Variants in MGMT observed in about 807,000 individuals in gnomAD.
The protein encoded by MGMT is methylated-DNA--protein-cysteine methyltransferase.
In MGMT, 14 loss-of-function variants were observed where a neutral mutation model predicts 15.9. The observed-to-expected ratio is 0.88, with a 90% CI of 0.58 to 1.37. MGMT has a LOEUF of 1.37. MGMT is among the 40% of genes most tolerant of loss of function. The pLI, the probability that MGMT is intolerant of heterozygous loss-of-function variation, is 0.00. For synonymous variants in MGMT, 130 were observed against 118.2 expected (o/e 1.10, Z -0.65); for missense variants, 282 against 268.1 (o/e 1.05, Z -0.36).
chr10:129,708,282 G>A (rs2282163), intron 3 of MGMT, among the ~76,000 whole-genome samples: 10,125 of 152,278 alleles, frequency 0.066, 847 homozygotes, highest in East Asian at 0.2. Flanking sequence ...AATGAAGCAT[G>A]CAGATCGACT....
chr10:129,724,061 G>A (rs182470621), intron 3 of MGMT, among the ~76,000 whole-genome samples: 94 of 152,290 alleles, frequency 6.2e-4, no homozygotes, highest in African/African-American at 1.9e-3. Flanking sequence ...CCACAAAAAC[G>A]TATTCAAGAG....
At chr10:129,624,990 G>C (rs1451666163) in intron 2 of MGMT, among the ~76,000 whole-genome samples, 1 of 152,142 alleles carries the variant, frequency 6.6e-6, no homozygotes, top group African/African-American at 2.4e-5. Flanking sequence ...TATGTCCTTG[G>C]AAAGAGTCGT....
At chr10:129,491,432 A>G (rs953560737) in intron 1 of MGMT, among the ~76,000 whole-genome samples, 2 of 151,940 alleles carry the variant, frequency 1.3e-5, no homozygotes, top group African/African-American at 4.8e-5. Flanking sequence ...TTTTCTTCAT[A>G]TTTATTCTGC....
intron 4 of MGMT, 95 bp from the exon 5 acceptor site, chr10:129,766,693 G>C: frequency 2.6e-6 from 3 of 1,156,868 alleles, no homozygotes; most frequent in Non-Finnish European, 3.6e-6. Flanking sequence ...TGCTTGGTGG[G>C]CACAGGACTC....
At chr10:129,645,265 G>A (rs779539745) in intron 2 of MGMT, among the ~76,000 whole-genome samples, 11 of 151,902 alleles carry the variant, frequency 7.2e-5, no homozygotes, top group African/African-American at 2.4e-4. Context: ...GTTTATAGGC[G>A]CCCACCACCA....
intron 3 of MGMT, among the ~76,000 whole-genome samples, chr10:129,758,815 C>T (rs796460980): frequency 2.0e-5 from 3 of 152,258 alleles, no homozygotes; most frequent in African/African-American, 7.2e-5. Flanking sequence ...AATTAACCAG[C>T]AGTACAAAAG....
intron 2 of MGMT, among the ~76,000 whole-genome samples, chr10:129,703,877 C>G (rs1848127452): frequency 1.3e-5 from 2 of 152,220 alleles, no homozygotes; most frequent in East Asian, 2.0e-4. Context: ...GTGGCTTGAT[C>G]AGGGGTTTTG....
chr10:129,752,348 T>G (rs886774780), intron 3 of MGMT, among the ~76,000 whole-genome samples: 6 of 152,048 alleles, frequency 3.9e-5, no homozygotes, highest in African/African-American at 1.4e-4. Flanking sequence ...TCCGTTTACT[T>G]TTAACCTACC....
chr10:129,756,621 C>T (rs572026627), intron 3 of MGMT, among the ~76,000 whole-genome samples: 7 of 152,318 alleles, frequency 4.6e-5, no homozygotes, highest in African/African-American at 1.4e-4. Context: ...AGACGAGCAC[C>T]ACCACGCCTG....
intron 2 of MGMT, among the ~76,000 whole-genome samples, chr10:129,612,225 G>T (rs1846968957): frequency 6.6e-6 from 1 of 152,190 alleles, no homozygotes; most frequent in Non-Finnish European, 1.5e-5. Context: ...GGATTGTGGA[G>T]ATGCAAGTTC....
chr10:129,712,029 T>C (rs4751115), intron 3 of MGMT, among the ~76,000 whole-genome samples: 84,889 of 152,096 alleles, frequency 0.56, 24,827 homozygotes, highest in African/African-American at 0.74. Flanking sequence ...CCTTTCTACC[T>C]TAGTTTGCCA....
chr10:129,691,741 A>G (rs1847972152), intron 2 of MGMT, among the ~76,000 whole-genome samples: 1 of 152,068 alleles, frequency 6.6e-6, no homozygotes, highest in Non-Finnish European at 1.5e-5. Flanking sequence ...GAGGAATTCA[A>G]ACGCAGCTTC....
At chr10:129,510,979 A>G (rs531093700) in intron 1 of MGMT, among the ~76,000 whole-genome samples, 1 of 148,860 alleles carries the variant, frequency 6.7e-6, no homozygotes, top group Non-Finnish European at 1.5e-5. Context: ...CCGTGATGAG[A>G]ACCCTGTATA....
At chr10:129,606,785 A>G (rs1002799400) in intron 2 of MGMT, among the ~76,000 whole-genome samples, 1 of 152,228 alleles carries the variant, frequency 6.6e-6, no homozygotes, top group African/African-American at 2.4e-5. Context: ...AGTGATATTA[A>G]ATGAGAATTA....
intron 2 of MGMT, among the ~76,000 whole-genome samples, chr10:129,648,104 T>C (rs1446171588): frequency 2.0e-5 from 3 of 152,178 alleles, no homozygotes; most frequent in Non-Finnish European, 4.4e-5. Flanking sequence ...AAAATCTAGA[T>C]AGGTAATGGG....
In MGMT at chr10:129,752,391, C is replaced by T. The variant is rs191034288; in HGVS notation, c.275-6811C>T. On this transcript the variant is annotated intron_variant, in intron 3 of 4. Transcript: ENST00000651593. The stretch of plus-strand genomic sequence containing the variant: ...ATCATTTGAAGTGAATTCTTTATGA[C>T]GGCATTTTCTTGTGCATGTTTTTAA... 1.5e-4 allele frequency among the ~76,000 whole-genome samples: 23 copies of T among 151,970 alleles called. No individual in the cohort carries two copies. In the South Asian group the frequency reaches 1.9e-3, roughly 12 times the overall value.
intron 2 of MGMT, among the ~76,000 whole-genome samples, chr10:129,687,538 C>T (rs2133124931): frequency 6.6e-6 from 1 of 152,290 alleles, no homozygotes; most frequent in South Asian, 2.1e-4. Flanking sequence ...ATCTTATTTG[C>T]ATACGGTGCA....
intron 1 of MGMT, among the ~76,000 whole-genome samples, chr10:129,530,121 T>C (rs994609728): frequency 1.3e-5 from 2 of 152,152 alleles, no homozygotes; most frequent in African/African-American, 4.8e-5. Context: ...CAGACTGGTC[T>C]TGAACTCGTG....
intron 2 of MGMT, among the ~76,000 whole-genome samples, chr10:129,662,677 T>C (rs754069183): frequency 2.0e-5 from 3 of 152,060 alleles, no homozygotes; most frequent in Non-Finnish European, 2.9e-5. Flanking sequence ...TCAGCACATG[T>C]GAGCAGCACA....
Sources: allele counts gnomAD v4.1 joint callset (sites outside exome capture counted in the v4.1 genomes callset), GRCh38; gene constraint gnomAD v4.1.1; transcripts MANE v1.5; gene names NCBI Gene and HGNC (gene_info 2026-07-23, HGNC 2026-07-21).